Variants in HID1 observed in about 807,000 individuals in gnomAD.
HID1 encodes the protein HID1 domain containing.
HID1 carries 42 observed loss-of-function variants against 89.7 expected under a neutral mutation model. That is an observed-to-expected ratio of 0.47 (90% CI 0.37 to 0.61). The LOEUF (loss-of-function observed/expected upper bound fraction) is 0.61. Ranked by LOEUF, HID1 falls within the 20% of genes least tolerant of loss-of-function variation. HID1 has a pLI of 0.00. For synonymous variants in HID1, 442 were observed against 433.8 expected, an observed-to-expected ratio of 1.02 and a Z score of -0.24; for missense variants, 854 against 1,039.3, an observed-to-expected ratio of 0.82 and a Z score of 2.45.
chr17:74,958,245 G>A lies in HID1; in HGVS notation c.1393-26C>T, dbSNP rs370931549. 449 of 1,608,288 alleles carry A rather than the reference G, an allele frequency of 2.8e-4. 1 individual carries two copies. The highest frequency in any genetic ancestry group is 3.5e-4 in the Non-Finnish European group (409 of 1,177,582). On this transcript the variant is annotated intron_variant, in intron 11 of 18. Transcript: ENST00000425042. The surrounding 1 kb of genome is among the most constrained non-coding windows in gnomAD (Gnocchi z 5.2). Reference sequence around the variant, plus strand: ...CTGTGCCAGGAGGGACAGAGGCACCGTGGGGTCCCCGCTGCCTCCAGACTC... The same window carrying A: ...CTGTGCCAGGAGGGACAGAGGCACCATGGGGTCCCCGCTGCCTCCAGACTC...
At chr17:74,954,513 G>A (rs2039359264) in intron 13 of HID1, 148 bp from the exon 14 acceptor site, 4 of 1,409,144 alleles carry the variant, frequency 2.8e-6, no homozygotes, top group East Asian at 5.0e-5. Flanking sequence ...CCAAGAGAGG[G>A]TGCTGGGGCA....
Position 74,972,442 on chromosome 17 carries a change from G to T in HID1, c.66+149C>A. 1 of 708,348 alleles carries T rather than the reference G, an allele frequency of 1.4e-6. No homozygotes were observed. Among genetic ancestry groups the T allele is most frequent in the Non-Finnish European group, 2.3e-6 (1 of 440,568 alleles). 43.9% of individuals were successfully genotyped at this position (708,348 alleles called of 1,614,324 possible). ...GGGATGGAGCTTCCAGGTACAGGCC[G>T]CGGGGTCCCGTTCCGGCGCTGGCCT... On this transcript the variant is annotated intron_variant, in intron 1 of 18. Transcript: ENST00000425042. The surrounding 1 kb of genome is among the most constrained non-coding windows in gnomAD (Gnocchi z 6.4).
chr17:74,964,722 G>T, intron 1 of HID1, 90 bp from the exon 2 acceptor site: 1 of 1,382,628 alleles, frequency 7.2e-7, no homozygotes, highest in Non-Finnish European at 9.8e-7. Context: ...GACCCTGAGA[G>T]GGAAGCCAGA....
chr17:74,957,370 G>C (rs1182665561), intron 12 of HID1, among the ~76,000 whole-genome samples: 1 of 151,460 alleles, frequency 6.6e-6, no homozygotes. Flanking sequence ...TGTGATCCCA[G>C]CTACTTGGGA....
At position 74,962,152 on chromosome 17, in the gene HID1, A is replaced by AC. The variant is rs2039491218; in HGVS notation, c.611+81dup. On this transcript the variant is annotated intron_variant, in intron 5 of 18. Coordinates refer to ENST00000425042, the MANE Select transcript of HID1 (RefSeq NM_030630.3). This position sits in a 1 kb window ranked among gnomAD's most constrained non-coding sequence, Gnocchi z 4.3. ...TAGGTGAGGACGGTCTTCTGGGAAGACCCCATGGGCTTTCTGAGCTGTGCG... is the reference window on the plus strand; with the variant it reads ...TAGGTGAGGACGGTCTTCTGGGAAGACCCCCATGGGCTTTCTGAGCTGTGCG... 1 of 1,263,346 alleles carries AC rather than the reference A, an allele frequency of 7.9e-7. No individual in the cohort carries two copies. The highest frequency in any genetic ancestry group is 1.5e-5 in the African/African-American group (1 of 66,496). The allele number at this position is 1,263,346 out of a possible 1,614,324, so 78.3% of individuals were successfully genotyped here. A position where few individuals can be genotyped will look rare whatever the true frequency, so the allele number is the denominator to read the frequency against.
intron 2 of HID1, 33 bp downstream of exon 2, chr17:74,964,450 G>A (rs1435914134): frequency 6.3e-7 from 1 of 1,594,078 alleles, no homozygotes; most frequent in Non-Finnish European, 8.5e-7. Flanking sequence ...TGGGAGGGTG[G>A]AAGAGTAGCA....
In HID1 at chr17:74,954,316, G is replaced by A. The variant is rs1437797029; in HGVS notation, c.1686C>T (p.His562=). The A allele has an allele frequency of 6.3e-7, 1 of 1,587,042 alleles. No individual in the cohort carries two copies. The highest frequency in any genetic ancestry group is 1.3e-5 in the African/African-American group (1 of 74,570). Residue 562 remains histidine, a synonymous_variant, in exon 14 of 19, where the codon CAC becomes CAT. Transcript: ENST00000425042. ...YAIIRKRSIF[H]QLANLPTDPP... ...GGTCCGTGGGCAGGTTGGCCAGCTG[G>A]TGGAAGATGCTGCGCTTGCGGATGA... is the stretch of plus-strand genomic sequence containing the variant.
At chr17:74,966,030 T>C (rs936319696) in intron 1 of HID1, among the ~76,000 whole-genome samples, 1 of 151,840 alleles carries the variant, frequency 6.6e-6, no homozygotes, top group African/African-American at 2.4e-5. Context: ...CTCACGCCTG[T>C]AATCCCAACA....
intron 1 of HID1, among the ~76,000 whole-genome samples, chr17:74,968,282 C>G (rs1030233346): frequency 6.7e-6 from 1 of 149,294 alleles, no homozygotes; most frequent in East Asian, 2.0e-4. Context: ...CAGTCCCTGA[C>G]CTTGCCAGTA....
At chr17:74,952,861 G>T (rs1338972754) in intron 16 of HID1, 145 bp downstream of exon 16, 2 of 630,872 alleles carry the variant, frequency 3.2e-6, no homozygotes, top group African/African-American at 1.8e-5. Flanking sequence ...CCAGAGTCAG[G>T]CTTCTATGCT....
In HID1 at chr17:74,958,009, T is replaced by C. The variant is rs2039417257; in HGVS notation, c.1471+132A>G. 1.0e-5 allele frequency: 7 copies of C among 692,738 alleles called. No individual in the cohort carries two copies. Among genetic ancestry groups the C allele is most frequent in the Admixed American group, 8.0e-5 (3 of 37,464 alleles). 42.9% of individuals were successfully genotyped at this position (692,738 alleles called of 1,614,324 possible). On this transcript the variant is annotated intron_variant, in intron 12 of 18. Transcript: ENST00000425042. The surrounding 1 kb of genome is among the most constrained non-coding windows in gnomAD (Gnocchi z 5.2). ...CACCCTTTTTTTTTAATGTGGCTAC[T>C]ATGAAGGGTACACAAGCTTGCGTTC...
Position 74,962,105 on chromosome 17 carries a change from C to T in HID1, c.612-116G>A. On this transcript the variant is annotated intron_variant, in intron 5 of 18. Coordinates refer to ENST00000425042, the MANE Select transcript of HID1 (RefSeq NM_030630.3). This position sits in a 1 kb window ranked among gnomAD's most constrained non-coding sequence, Gnocchi z 4.3. ...GGAAGGAAGTTACTCCCGTTGACCC[C>T]TGTAAGGTCAAGGTCGGGTCATAGG... is the stretch of plus-strand genomic sequence containing the variant. 1 of 1,118,832 alleles carries T rather than the reference C, an allele frequency of 8.9e-7. No homozygotes were observed. The highest frequency in any genetic ancestry group is 1.6e-5 in the South Asian group (1 of 63,252). The allele number at this position is 1,118,832 out of a possible 1,614,324, so 69.3% of individuals were successfully genotyped here.
In HID1 at chr17:74,959,733, AC is replaced by A; in HGVS notation, c.1008+147del. On this transcript the variant is annotated intron_variant, in intron 8 of 18. Transcript: ENST00000425042. This position sits in a 1 kb window ranked among gnomAD's most constrained non-coding sequence, Gnocchi z 4.6. ...CCATCAGCCCTTCCTGCATCTTGAAACCCTCACAGTCCTGCCACTATTTCAC... is the reference window on the plus strand; with the variant it reads ...CCATCAGCCCTTCCTGCATCTTGAAACCTCACAGTCCTGCCACTATTTCAC... 1 of 840,394 alleles carries A rather than the reference AC, an allele frequency of 1.2e-6. No homozygotes were observed. The allele number at this position is 840,394 out of a possible 1,614,324, so 52.1% of individuals were successfully genotyped here. A position where few individuals can be genotyped will look rare whatever the true frequency, so the allele number is the denominator to read the frequency against.
rs1384259636 is a variant in HID1, at chr17:74,959,597, T to C, written c.1008+284A>G. On this transcript the variant is annotated intron_variant, in intron 8 of 18. Transcript: ENST00000425042. This position sits in a 1 kb window ranked among gnomAD's most constrained non-coding sequence, Gnocchi z 4.6. ...CACAAGACACATGAACTGGGACTGC[T>C]TGGCCTGAAGCCCTTGTCCACTGTC... Among the ~76,000 whole-genome samples, 2 of 152,128 alleles carry C rather than the reference T, an allele frequency of 1.3e-5. No individual in the cohort carries two copies. Among genetic ancestry groups the C allele is most frequent in the African/African-American group, 4.8e-5 (2 of 41,410 alleles).
rs1234400024 is a variant in HID1, at chr17:74,951,885, C to G, written c.2303+20G>C. 1 of 1,496,086 alleles carries G rather than the reference C, an allele frequency of 6.7e-7. No homozygotes were observed. Among genetic ancestry groups the G allele is most frequent in the East Asian group, 2.4e-5 (1 of 42,238 alleles). The allele number at this position is 1,496,086 out of a possible 1,614,324, so 92.7% of individuals were successfully genotyped here. A position where few individuals can be genotyped will look rare whatever the true frequency, so the allele number is the denominator to read the frequency against. Reference sequence around the variant, plus strand: ...TGGGCAGGCTCTCAGGTGGACACCACCCCACTCCCCGGGGCCCACCTCAGA... The same window carrying G: ...TGGGCAGGCTCTCAGGTGGACACCAGCCCACTCCCCGGGGCCCACCTCAGA... On this transcript the variant is annotated intron_variant, in intron 18 of 18. Transcript: ENST00000425042.
At chr17:74,954,099 C>T (rs1002177551) in intron 14 of HID1, 39 bp downstream of exon 14, 11 of 1,535,272 alleles carry the variant, frequency 7.2e-6, no homozygotes, top group Non-Finnish European at 9.8e-6. Context: ...CCCAGCCACA[C>T]CAGTATCCAC....
chr17:74,959,131 T>TC lies in HID1; in HGVS notation c.1009-81dup, dbSNP rs959456858. On this transcript the variant is annotated intron_variant, in intron 8 of 18. Transcript: ENST00000425042. This position sits in a 1 kb window ranked among gnomAD's most constrained non-coding sequence, Gnocchi z 4.6. ...TTTCCCAGCCCAGGCCCCCAACAAA[T>TC]CCCCCCCTCCATCCCCCAGAGCCAG... The TC allele has an allele frequency of 3.6e-6, 5 of 1,395,422 alleles. No homozygotes were observed. Among genetic ancestry groups the TC allele is most frequent in the Non-Finnish European group, 4.7e-6 (5 of 1,065,900 alleles). 86.4% of individuals were successfully genotyped at this position (1,395,422 alleles called of 1,614,324 possible). A position where few individuals can be genotyped will look rare whatever the true frequency, so the allele number is the denominator to read the frequency against.
Position 74,954,297 on chromosome 17 carries a change from T to C in HID1, c.1705A>G (p.Thr569Ala). The change falls in exon 14 of 19, where the codon ACG (threonine) becomes GCG (alanine). Residue 569 changes from threonine to alanine, a missense_variant. Thr to Ala is a moderately conservative substitution (Grantham distance 58). Coordinates refer to ENST00000425042, the MANE Select transcript of HID1 (RefSeq NM_030630.3). ...SIFHQLANLP[T>A]DPPTIHKALQ... Reference sequence around the variant, plus strand: ...GCCTTGTGAATGGTGGGCGGGTCCGTGGGCAGGTTGGCCAGCTGGTGGAAG... The same window carrying C: ...GCCTTGTGAATGGTGGGCGGGTCCGCGGGCAGGTTGGCCAGCTGGTGGAAG... The C allele has an allele frequency of 8.8e-6, 14 of 1,587,406 alleles. No homozygotes were observed. The highest frequency in any genetic ancestry group is 1.2e-5 in the Non-Finnish European group (14 of 1,167,668).
At chr17:74,970,566 G>A (rs866236167) in intron 1 of HID1, 1 of 152,356 alleles carries the variant, frequency 6.6e-6, no homozygotes, top group African/African-American at 2.4e-5. Flanking sequence ...CTGGCTCTTA[G>A]GACCAGGGTC....
Sources: allele counts gnomAD v4.1 joint callset (sites outside exome capture counted in the v4.1 genomes callset), GRCh38; gene constraint gnomAD v4.1.1; non-coding constraint Gnocchi (gnomAD v3.1); transcripts MANE v1.5; gene names NCBI Gene and HGNC (gene_info 2026-07-23, HGNC 2026-07-21).